Variants in LRRFIP2 observed in about 807,000 individuals in gnomAD.
The protein encoded by LRRFIP2 is LRR binding FLII interacting protein 2, also known as leucine-rich repeat flightless-interacting protein 2.
In LRRFIP2, 109 loss-of-function variants were observed where a neutral mutation model predicts 125.9. The ratio of observed to expected loss-of-function variants is 0.87; its 90% confidence interval spans 0.74 to 1.01. The LOEUF is 1.01. Among genes scored for constraint, LRRFIP2 ranks in the 50% least tolerant of loss-of-function variants. The pLI is 0.00. For missense variants in LRRFIP2, 850 were observed against 862.3 expected (o/e 0.99, Z 0.18); for synonymous variants, 291 against 293.1 (o/e 0.99, Z 0.07).
chr3:37,118,436 C>T (rs1024462707), intron 6 of LRRFIP2, among the ~76,000 whole-genome samples: 1 of 152,094 alleles, frequency 6.6e-6, no homozygotes, highest in Non-Finnish European at 1.5e-5. Context: ...AAGCAATGAC[C>T]AAGCAGCTAC....
At chr3:37,120,926 G>A (rs1386225995) in intron 6 of LRRFIP2, among the ~76,000 whole-genome samples, 4 of 152,086 alleles carry the variant, frequency 2.6e-5, no homozygotes, top group Non-Finnish European at 5.9e-5. Flanking sequence ...TAATACAAGG[G>A]TTTTTAAGGA....
chr3:37,107,945 C>A, intron 13 of LRRFIP2, 128 bp downstream of exon 13: 1 of 655,864 alleles, frequency 1.5e-6, no homozygotes, highest in Non-Finnish European at 2.6e-6. Context: ...AGTTTATGTA[C>A]TAAGGGAACA....
intron 25 of LRRFIP2, among the ~76,000 whole-genome samples, chr3:37,057,904 A>G (rs980212369): frequency 6.6e-6 from 1 of 152,238 alleles, no homozygotes; most frequent in African/African-American, 2.4e-5. Flanking sequence ...TGAGGTCAGA[A>G]GTAGAAAAAT....
chr3:37,102,850 A>G, intron 15 of LRRFIP2, 74 bp downstream of exon 15: 1 of 978,606 alleles, frequency 1.0e-6, no homozygotes, highest in Non-Finnish European at 1.5e-6. Context: ...CTTTTATTAT[A>G]AAATAGCTAA....
intron 4 of LRRFIP2, among the ~76,000 whole-genome samples, chr3:37,123,139 C>CTTTAGGTAATCAGAAT (rs2095128926): frequency 6.6e-6 from 1 of 152,176 alleles, no homozygotes; most frequent in African/African-American, 2.4e-5. Context: ...ATCAGGTATT[C>CTTTAGGTAATCAGAAT]TGATCTTTAG....
intron 1 of LRRFIP2, among the ~76,000 whole-genome samples, chr3:37,173,772 GT>G (rs2150469687): frequency 6.6e-6 from 1 of 152,280 alleles, no homozygotes; most frequent in Non-Finnish European, 1.5e-5. Context: ...TCCACAAAGA[GT>G]TCTTCAAGAA....
chr3:37,163,167 T>A (rs2096391052), intron 1 of LRRFIP2, among the ~76,000 whole-genome samples: 1 of 152,242 alleles, frequency 6.6e-6, no homozygotes, highest in Admixed American at 6.5e-5. Flanking sequence ...AAGACTCTTT[T>A]CAGCTTATCT....
chr3:37,100,755 T>C (rs1559841257), intron 15 of LRRFIP2, among the ~76,000 whole-genome samples: 1 of 152,168 alleles, frequency 6.6e-6, no homozygotes, highest in Non-Finnish European at 1.5e-5. Context: ...TAAGTTTAAT[T>C]GTCCATACTT....
intron 27 of LRRFIP2, among the ~76,000 whole-genome samples, 180 bp downstream of exon 27, chr3:37,054,231 T>C (rs1003105713): frequency 1.3e-5 from 2 of 152,214 alleles, no homozygotes; most frequent in Non-Finnish European, 1.5e-5. Flanking sequence ...TAGTATCTAA[T>C]TGACCAAAAC....
intron 14 of LRRFIP2, among the ~76,000 whole-genome samples, chr3:37,103,351 C>T (rs2094169116): frequency 6.6e-6 from 1 of 152,136 alleles, no homozygotes; most frequent in Non-Finnish European, 1.5e-5. Flanking sequence ...GTATATACCT[C>T]TACTATAATT....
intron 1 of LRRFIP2, among the ~76,000 whole-genome samples, chr3:37,159,197 G>A (rs1451176547): frequency 2.0e-5 from 3 of 152,002 alleles, no homozygotes; most frequent in Non-Finnish European, 4.4e-5. Flanking sequence ...TCACACTTTT[G>A]CACATGGATA....
intron 1 of LRRFIP2, among the ~76,000 whole-genome samples, chr3:37,166,621 G>T (rs2096494780): frequency 6.6e-6 from 1 of 152,122 alleles, no homozygotes; most frequent in Admixed American, 6.6e-5. Context: ...ACTTTGGGAG[G>T]CTGAGGCAGG....
chr3:37,098,909 T>A (rs974091796), intron 15 of LRRFIP2, among the ~76,000 whole-genome samples: 4 of 152,144 alleles, frequency 2.6e-5, no homozygotes, highest in African/African-American at 9.7e-5. Context: ...AAATTAAAAG[T>A]CTTCTAAGCT....
At chr3:37,148,854 C>T (rs1231165615) in intron 2 of LRRFIP2, 40 bp downstream of exon 2, 2 of 1,610,838 alleles carry the variant, frequency 1.2e-6, no homozygotes, top group East Asian at 2.2e-5. Context: ...TACAATACAT[C>T]TGTGCAACTC....
intron 20 of LRRFIP2, among the ~76,000 whole-genome samples, chr3:37,073,954 C>T (rs1347535213): frequency 1.3e-5 from 2 of 152,140 alleles, no homozygotes; most frequent in Non-Finnish European, 2.9e-5. Flanking sequence ...ATGCTTCCTA[C>T]CTTATATGGA....
At chr3:37,148,701 A>G (rs1246612277) in intron 2 of LRRFIP2, among the ~76,000 whole-genome samples, 193 bp downstream of exon 2, 2 of 152,266 alleles carry the variant, frequency 1.3e-5, no homozygotes, top group South Asian at 2.1e-4. Context: ...ATTCATCTCT[A>G]TATTTGATTT....
chr3:37,073,556 T>C (rs1027330496), intron 20 of LRRFIP2, among the ~76,000 whole-genome samples: 3 of 152,248 alleles, frequency 2.0e-5, no homozygotes, highest in Non-Finnish European at 2.9e-5. Flanking sequence ...GAATTTTCAA[T>C]TCCAAAGACC....
chr3:37,070,971 C>T (rs1053547309), intron 21 of LRRFIP2, among the ~76,000 whole-genome samples: 2 of 125,420 alleles, frequency 1.6e-5, no homozygotes, highest in Admixed American at 8.1e-5. Context: ...AAATTACCTA[C>T]TTTGCCCCAC....
chr3:37,161,232 T>C (rs985505413), intron 1 of LRRFIP2, among the ~76,000 whole-genome samples: 2 of 148,862 alleles, frequency 1.3e-5, no homozygotes, highest in African/African-American at 5.0e-5. Flanking sequence ...GGGACACATC[T>C]GTAATCCCAG....
Sources: gnomAD v4.1 joint callset for allele counts (sites outside exome capture counted in the v4.1 genomes callset) on GRCh38, gnomAD v4.1.1 for gene constraint, MANE v1.5 for transcripts, NCBI Gene and HGNC (gene_info 2026-07-23, HGNC 2026-07-21) for gene names.